Variants in RALYL observed in about 807,000 individuals in gnomAD.
RALYL encodes the protein RNA-binding Raly-like protein.
In RALYL, 29 loss-of-function variants were observed where a neutral mutation model predicts 35.1. The observed-to-expected ratio is 0.83, with a 90% confidence interval of 0.61 to 1.13. RALYL has a LOEUF of 1.13. Ranked by LOEUF, RALYL falls within the 50% of genes most tolerant of loss-of-function variation. The pLI is 0.00. For missense variants in RALYL, 359 were observed against 360.4 expected, an observed-to-expected ratio of 1.00 and a Z score of 0.03; for synonymous variants, 120 against 127.6, an observed-to-expected ratio of 0.94 and a Z score of 0.40.
chr8:84,682,230 G>C (rs1450744916), intron 2 of RALYL, among the ~76,000 whole-genome samples: 1 of 152,152 alleles, frequency 6.6e-6, no homozygotes, highest in Non-Finnish European at 1.5e-5. Context: ...TGTGCTGCTG[G>C]ATTTGGTTTG....
chr8:84,490,366 C>T (rs142109366), intron 1 of RALYL, among the ~76,000 whole-genome samples: 3 of 152,016 alleles, frequency 2.0e-5, no homozygotes, highest in African/African-American at 7.2e-5. Flanking sequence ...AGGAGATAAT[C>T]TGCTCATGGG....
intron 1 of RALYL, among the ~76,000 whole-genome samples, chr8:84,308,189 G>A (rs932828864): frequency 4.6e-5 from 7 of 151,508 alleles, no homozygotes; most frequent in Non-Finnish European, 5.9e-5. Flanking sequence ...AAAAGACAAA[G>A]AGCAGAGAAG....
intron 2 of RALYL, among the ~76,000 whole-genome samples, chr8:84,641,788 T>TAA (rs59556525): frequency 0.26 from 30,733 of 118,900 alleles, 3,907 homozygotes; most frequent in African/African-American, 0.32. Context: ...GTCTTATTTG[T>TAA]AAAAAAAAAA....
chr8:84,639,442 G>A (rs2131352341), intron 2 of RALYL, among the ~76,000 whole-genome samples: 1 of 151,928 alleles, frequency 6.6e-6, no homozygotes, highest in South Asian at 2.1e-4. Context: ...ATGCTGATCA[G>A]TTGTGTCTAA....
At chr8:84,311,516 A>G (rs1842809671) in intron 1 of RALYL, among the ~76,000 whole-genome samples, 1 of 152,292 alleles carries the variant, frequency 6.6e-6, no homozygotes, top group East Asian at 1.9e-4. Flanking sequence ...AAAAAATACT[A>G]TAAATAAACT....
At chr8:84,551,201 A>G (rs1425185633) in intron 2 of RALYL, among the ~76,000 whole-genome samples, 1 of 152,130 alleles carries the variant, frequency 6.6e-6, no homozygotes, top group South Asian at 2.1e-4. Flanking sequence ...AGAAGAATAT[A>G]AACGGTACCT....
intron 2 of RALYL, among the ~76,000 whole-genome samples, chr8:84,642,384 CTT>C (rs1237162716): frequency 3.3e-5 from 5 of 151,728 alleles, no homozygotes; most frequent in Non-Finnish European, 5.9e-5. Flanking sequence ...AAAAAAAACT[CTT>C]TTACCTTTTT....
At chr8:84,698,206 G>T (rs534721632) in intron 2 of RALYL, among the ~76,000 whole-genome samples, 4 of 151,980 alleles carry the variant, frequency 2.6e-5, no homozygotes, top group Admixed American at 6.6e-5. Flanking sequence ...CTCCTACCTC[G>T]CATCACTGCT....
At chr8:84,198,600 G>A (rs757288776) in intron 1 of RALYL, among the ~76,000 whole-genome samples, 10 of 152,036 alleles carry the variant, frequency 6.6e-5, no homozygotes, top group Non-Finnish European at 1.2e-4. Context: ...CAAATACTAG[G>A]TCTTATTCAG....
At chr8:84,638,380 T>A (rs1386659636) in intron 2 of RALYL, among the ~76,000 whole-genome samples, 2 of 151,760 alleles carry the variant, frequency 1.3e-5, no homozygotes, top group East Asian at 3.9e-4. Flanking sequence ...ATGGACAATC[T>A]AAGCTCACAC....
At chr8:84,818,862 G>A (rs1419819583) in intron 4 of RALYL, among the ~76,000 whole-genome samples, 7 of 152,210 alleles carry the variant, frequency 4.6e-5, no homozygotes, top group African/African-American at 1.7e-4. Context: ...AAATCAGTGA[G>A]TGAGTGGTGT....
intron 2 of RALYL, among the ~76,000 whole-genome samples, chr8:84,558,739 G>A (rs2061296435): frequency 1.3e-5 from 2 of 151,970 alleles, no homozygotes; most frequent in Non-Finnish European, 2.9e-5. Context: ...AGATAATTAG[G>A]CAATATGGAT....
chr8:84,614,618 A>G (rs1261798755), intron 2 of RALYL, among the ~76,000 whole-genome samples: 1 of 151,558 alleles, frequency 6.6e-6, no homozygotes, highest in Non-Finnish European at 1.5e-5. Flanking sequence ...GTACAAATGT[A>G]CTTGTAGTTT....
chr8:84,241,825 A>C (rs909412729), intron 1 of RALYL, among the ~76,000 whole-genome samples: 4 of 151,452 alleles, frequency 2.6e-5, no homozygotes, highest in Non-Finnish European at 4.4e-5. Context: ...TACAAATATT[A>C]GTAACCACAC....
chr8:84,340,772 G>A (rs2130876635), intron 1 of RALYL, among the ~76,000 whole-genome samples: 1 of 152,180 alleles, frequency 6.6e-6, no homozygotes, highest in Non-Finnish European at 1.5e-5. Flanking sequence ...ATGCTGCAAT[G>A]TGCATGGGAG....
In RALYL at chr8:84,690,850, C is replaced by T. The variant is rs148326983; in HGVS notation, c.257-83729C>T. On this transcript the variant is annotated intron_variant, in intron 2 of 8. Coordinates refer to ENST00000521268, the MANE Select transcript of RALYL (RefSeq NM_173848.7). ...AAATTCTAAAGCTGGATTATGAGGA[C>T]CCAGATTTTGGAGATATTGGTGATA... Among the ~76,000 whole-genome samples, 599 of 151,806 alleles carry T rather than the reference C, an allele frequency of 3.9e-3. 6 individuals carry two copies. The highest frequency in any genetic ancestry group is 0.013 in the African/African-American group (550 of 41,452).
At chr8:84,348,050 T>A (rs2093746270) in intron 1 of RALYL, among the ~76,000 whole-genome samples, 1 of 152,116 alleles carries the variant, frequency 6.6e-6, no homozygotes, top group African/African-American at 2.4e-5. Flanking sequence ...TATATGGACC[T>A]AACCTGATCA....
chr8:84,563,718 C>T (rs181597165), intron 2 of RALYL, among the ~76,000 whole-genome samples: 214 of 151,752 alleles, frequency 1.4e-3, no homozygotes, highest in Middle Eastern at 6.8e-3. Flanking sequence ...AAAGATGTCT[C>T]CCTGTTATTC....
At chr8:84,710,772 C>T (rs1842047804) in intron 2 of RALYL, among the ~76,000 whole-genome samples, 1 of 152,122 alleles carries the variant, frequency 6.6e-6, no homozygotes, top group Non-Finnish European at 1.5e-5. Context: ...AAATCCATGG[C>T]TGTCTAATGA....
Sources: allele counts gnomAD v4.1 joint callset (sites outside exome capture counted in the v4.1 genomes callset), GRCh38; gene constraint gnomAD v4.1.1; transcripts MANE v1.5; gene names NCBI Gene and HGNC (gene_info 2026-07-23, HGNC 2026-07-21).